Variants in ATP10A observed in about 807,000 individuals in gnomAD.
The protein encoded by ATP10A is ATPase phospholipid transporting 10A (putative), also known as phospholipid-transporting ATPase VA.
Under a neutral mutation model 147.8 loss-of-function variants are expected in ATP10A, and 111 were observed. That is an observed-to-expected ratio of 0.75 (90% confidence interval 0.64 to 0.88). ATP10A has a LOEUF of 0.88. ATP10A is among the 40% of genes least tolerant of loss of function. The probability of loss-of-function intolerance (pLI) is 0.00; values close to 1 mark genes in which losing one functional copy is unlikely to be tolerated. For synonymous variants in ATP10A, 875 were observed against 841.6 expected (o/e 1.04, Z -0.69); for missense variants, 1,927 against 1,959.0 (o/e 0.98, Z 0.31).
chr15:25,848,142 T>A (rs1158086720), intron 1 of ATP10A, among the ~76,000 whole-genome samples: 1 of 150,822 alleles, frequency 6.6e-6, no homozygotes, highest in Non-Finnish European at 1.5e-5. Context: ...TTTTTTTTAA[T>A]CATCTGTAAA....
intron 1 of ATP10A, among the ~76,000 whole-genome samples, chr15:25,815,406 C>G (rs972201963): frequency 6.8e-5 from 9 of 132,534 alleles, no homozygotes; most frequent in African/African-American, 3.0e-4. Context: ...AAAGGATGAA[C>G]GGTAGCTCCC....
chr15:25,742,546 T>C (rs1887630668), intron 2 of ATP10A, among the ~76,000 whole-genome samples: 1 of 152,202 alleles, frequency 6.6e-6, no homozygotes, highest in African/African-American at 2.4e-5. Context: ...CCTCGGTAGA[T>C]GGTGGCAAAA....
At chr15:25,841,603 T>A (rs1892818115) in intron 1 of ATP10A, 1 of 149,728 alleles carries the variant, frequency 6.7e-6, no homozygotes, top group Admixed American at 6.6e-5. Flanking sequence ...AAAACATTGC[T>A]GAGGTTTTGA....
At chr15:25,737,999 C>T (rs1036158753) in intron 2 of ATP10A, among the ~76,000 whole-genome samples, 9 of 152,198 alleles carry the variant, frequency 5.9e-5, no homozygotes, top group African/African-American at 1.9e-4. Context: ...GCCCAGTCTG[C>T]GGTGTTTCAT....
chr15:25,697,612 C>T (rs996026729), intron 13 of ATP10A, among the ~76,000 whole-genome samples: 1 of 152,138 alleles, frequency 6.6e-6, no homozygotes, highest in Non-Finnish European at 1.5e-5. Context: ...TTTCAGAGAA[C>T]CAAATAGAAA....
intron 3 of ATP10A, among the ~76,000 whole-genome samples, chr15:25,731,268 T>C (rs913845788): frequency 6.6e-6 from 1 of 152,164 alleles, no homozygotes; most frequent in Non-Finnish European, 1.5e-5. Flanking sequence ...TCCGACAAAA[T>C]AGACTAAGTC....
chr15:25,819,159 G>C (rs1314889606), intron 1 of ATP10A, among the ~76,000 whole-genome samples: 3 of 152,068 alleles, frequency 2.0e-5, no homozygotes, highest in African/African-American at 7.2e-5. Flanking sequence ...AATAAGAGAA[G>C]ACATTTGCAA....
Position 25,723,382 on chromosome 15 carries a change from G to A in ATP10A, c.1110+509C>T, listed in dbSNP as rs557355631. ...GAAAAAGAGAAAAAAAAAACAAAGT[G>A]AAGGACTAAAGTTGGCTTCTTAGTT... On this transcript the variant is annotated intron_variant, in intron 6 of 20. Transcript: ENST00000555815. Among the ~76,000 whole-genome samples the A allele has an allele frequency of 8.7e-5, 13 of 149,612 alleles. No homozygotes were observed. The East Asian group carries it at 2.2e-3, about 25-fold the overall frequency.
intron 1 of ATP10A, among the ~76,000 whole-genome samples, chr15:25,839,716 G>C (rs574934256): frequency 7.8e-4 from 118 of 152,206 alleles, no homozygotes; most frequent in African/African-American, 2.7e-3. Context: ...TAACTCAATG[G>C]TCATATTTTA....
intron 1 of ATP10A, among the ~76,000 whole-genome samples, chr15:25,792,693 A>C (rs1890486043): frequency 1.3e-5 from 2 of 151,990 alleles, no homozygotes; most frequent in African/African-American, 2.4e-5. Context: ...GCACTGCACC[A>C]GGCACCTCCA....
At chr15:25,684,136 T>C (rs1446436119) in intron 16 of ATP10A, 1 of 152,320 alleles carries the variant, frequency 6.6e-6, no homozygotes, top group Non-Finnish European at 1.5e-5. Flanking sequence ...TAGCTACAGC[T>C]ACCCAGCTCA....
intron 1 of ATP10A, among the ~76,000 whole-genome samples, chr15:25,787,611 TA>T (rs745619844): frequency 0.037 from 3,346 of 90,006 alleles, 44 homozygotes; most frequent in Middle Eastern, 0.06. Context: ...GACTCCTTCT[TA>T]AAAAAAAAAA....
rs532274053 is a variant in ATP10A, at chr15:25,756,753, A to G, written c.655-20612T>C. Among the ~76,000 whole-genome samples the G allele has an allele frequency of 1.8e-4, 28 of 152,374 alleles. No individual in the cohort carries two copies. The South Asian group carries it at 4.3e-3, about 24-fold the overall frequency. On this transcript the variant is annotated intron_variant, in intron 2 of 20. Transcript: ENST00000555815. The stretch of plus-strand genomic sequence containing the variant: ...GACTTTTGATCCACATTACCTGGGT[A>G]AATCTTTGGTAAACAAAACTGGTTT...
intron 2 of ATP10A, among the ~76,000 whole-genome samples, chr15:25,740,767 C>T (rs768079329): frequency 1.2e-4 from 19 of 152,192 alleles, no homozygotes; most frequent in African/African-American, 3.6e-4. Context: ...GAATGATCCC[C>T]GTCTGATCAC....
At chr15:25,767,237 C>T (rs1363406364) in intron 2 of ATP10A, among the ~76,000 whole-genome samples, 6 of 152,198 alleles carry the variant, frequency 3.9e-5, no homozygotes, top group East Asian at 1.9e-4. Context: ...TGCAGCAGAA[C>T]GTAGGGCTTC....
intron 2 of ATP10A, among the ~76,000 whole-genome samples, chr15:25,779,653 T>C (rs1285404695): frequency 1.3e-5 from 2 of 152,170 alleles, no homozygotes. Context: ...AGCACAGTCA[T>C]GGAGAAGCTG....
At chr15:25,754,576 A>T (rs1425269165) in intron 2 of ATP10A, among the ~76,000 whole-genome samples, 2 of 152,150 alleles carry the variant, frequency 1.3e-5, no homozygotes, top group Non-Finnish European at 2.9e-5. Context: ...CCTGGGTCAG[A>T]CAGAAAATGG....
chr15:25,771,599 T>C (rs187217317), intron 2 of ATP10A, among the ~76,000 whole-genome samples: 51 of 152,212 alleles, frequency 3.4e-4, no homozygotes, highest in African/African-American at 1.2e-3. Context: ...TCTTCACACA[T>C]TGACTTTGTC....
chr15:25,677,925 T>C (rs953398387), downstream of ATP10A: 3 of 152,274 alleles, frequency 2.0e-5, no homozygotes, highest in East Asian at 1.9e-4. Context: ...AGGACTCTGT[T>C]TGGAATGTGG....
Sources: allele counts gnomAD v4.1 joint callset (sites outside exome capture counted in the v4.1 genomes callset), GRCh38; gene constraint gnomAD v4.1.1; transcripts MANE v1.5; gene names NCBI Gene and HGNC (gene_info 2026-07-23, HGNC 2026-07-21).